Variants in DMRTC1B observed in about 807,000 individuals in gnomAD.
DMRTC1B encodes the protein DMRT like family C1B.
At chrX:72,802,218 C>A in intron 1 of DMRTC1B, among the ~76,000 whole-genome samples, 1 of 14,099 alleles carries the variant, frequency 7.1e-5, no homozygotes, top group Non-Finnish European at 3.9e-4. Context: ...GGTTTTTTGA[C>A]CCCAGCTGGG....
intron 1 of DMRTC1B, among the ~76,000 whole-genome samples, chrX:72,840,125 CAAAAAAA>C (rs200527014): frequency 0.047 from 1,051 of 22,197 alleles, 10 homozygotes; most frequent in African/African-American, 0.1. Context: ...GAAACTCCGT[CAAAAAAA>C]AAAAAAAAAA....
At chrX:72,839,565 C>T (rs1267906375) in intron 1 of DMRTC1B, among the ~76,000 whole-genome samples, 12 of 102,343 alleles carry the variant, frequency 1.2e-4, no homozygotes, top group South Asian at 4.8e-4. Flanking sequence ...TTTAGAGTTA[C>T]GCACTGAAAT....
At chrX:72,807,589 C>A in intron 1 of DMRTC1B, 1 of 939,863 alleles carries the variant, frequency 1.1e-6, no homozygotes, top group South Asian at 2.9e-5. Flanking sequence ...GGGAGGAAAG[C>A]GAGTGACAAG....
chrX:72,839,214 TCCC>T (rs1366950420), intron 1 of DMRTC1B, among the ~76,000 whole-genome samples: 1 of 112,360 alleles, frequency 8.9e-6, no homozygotes, highest in Admixed American at 9.2e-5. Flanking sequence ...GGATTGTTGA[TCCC>T]CCAAAACGTC....
At chrX:72,839,239 T>C (rs2054716887) in intron 1 of DMRTC1B, among the ~76,000 whole-genome samples, 1 of 112,479 alleles carries the variant, frequency 8.9e-6, no homozygotes, top group African/African-American at 3.3e-5. Context: ...TTCAAAAGGA[T>C]ATTATTGGGA....
intron 1 of DMRTC1B, among the ~76,000 whole-genome samples, chrX:72,804,429 G>A (rs2054648709): frequency 1.4e-5 from 1 of 70,831 alleles, no homozygotes; most frequent in Non-Finnish European, 3.7e-5. Context: ...AAGAGCATGG[G>A]CTGTAACTCA....
At chrX:72,807,992 G>T (rs2054666364) in intron 1 of DMRTC1B, 1 of 326,407 alleles carries the variant, frequency 3.1e-6, no homozygotes, top group Admixed American at 6.0e-5. Flanking sequence ...TTCCATGGGT[G>T]AGGGATGCAG....
chrX:72,820,523 T>G (rs1163907248), intron 1 of DMRTC1B, among the ~76,000 whole-genome samples: 4 of 113,402 alleles, frequency 3.5e-5, no homozygotes, highest in Non-Finnish European at 5.6e-5. Flanking sequence ...TTCTTTTTTT[T>G]TTTTTTTTTT....
At chrX:72,839,522 A>G (rs2054718980) in intron 1 of DMRTC1B, among the ~76,000 whole-genome samples, 1 of 110,707 alleles carries the variant, frequency 9.0e-6, no homozygotes, top group Admixed American at 9.3e-5. Flanking sequence ...TGTATTTTCA[A>G]AATAAAACGT....
chrX:72,820,867 G>C (rs1189350242), intron 1 of DMRTC1B, among the ~76,000 whole-genome samples: 532 of 37,244 alleles, frequency 0.014, no homozygotes, highest in Non-Finnish European at 0.021. Flanking sequence ...CCAAAAGTTT[G>C]ACATGCTGAG....
In DMRTC1B at chrX:72,815,630, C is replaced by CTT. The variant is rs782089848; in HGVS notation, c.-94-29398_-94-29397dup. On this transcript the variant is annotated intron_variant, in intron 1 of 6. Coordinates refer to ENST00000334036, the MANE Select transcript of DMRTC1B (RefSeq NM_001386972.1). The stretch of plus-strand genomic sequence containing the variant: ...CTGGAGTATACCTTATTTTTCTCCT[C>CTT]TTTTTTTTTTTTTTTGCAGTGCTAT... Among the ~76,000 whole-genome samples, 312 of 99,278 alleles carry CTT rather than the reference C, an allele frequency of 3.1e-3. 27 individuals carry two copies. The highest frequency in any genetic ancestry group is 0.012 in the African/African-American group (300 of 25,307). The allele number at this position is 99,278 out of a possible 115,157, so 86.2% of individuals were successfully genotyped here. A position where few individuals can be genotyped will look rare whatever the true frequency, so the allele number is the denominator to read the frequency against.
intron 1 of DMRTC1B, chrX:72,807,349 AC>A (rs2054661939): frequency 2.8e-6 from 1 of 358,989 alleles, no homozygotes; most frequent in Admixed American, 4.7e-5. Context: ...TCCCTTCACA[AC>A]CCCACCACCA....
chrX:72,802,523 G>T (rs782618709), intron 1 of DMRTC1B, among the ~76,000 whole-genome samples: 1 of 59,034 alleles, frequency 1.7e-5, no homozygotes, highest in Non-Finnish European at 5.6e-5. Context: ...TTTCTTTCCC[G>T]CTCCCACAAA....
chrX:72,820,680 G>A (rs1307406516), intron 1 of DMRTC1B, among the ~76,000 whole-genome samples: 17 of 74,285 alleles, frequency 2.3e-4, no homozygotes, highest in Non-Finnish European at 2.8e-4. Flanking sequence ...CACCTCGCCC[G>A]GCTAATTTTT....
At position 72,794,494 on chromosome X, in the gene DMRTC1B, G is replaced by C. The variant is rs149766407; in HGVS notation, c.-95+17246G>C. 7.2e-3 allele frequency among the ~76,000 whole-genome samples: 780 copies of C among 108,541 alleles called. 1 individual carries two copies. Among genetic ancestry groups the C allele is most frequent in the African/African-American group, 0.026 (752 of 28,847 alleles). The allele number at this position is 108,541 out of a possible 115,157, so 94.3% of individuals were successfully genotyped here. On this transcript the variant is annotated intron_variant, in intron 1 of 6. Coordinates refer to ENST00000334036, the MANE Select transcript of DMRTC1B (RefSeq NM_001386972.1). ...GTTCCATGCGCCAAGATCACACTGA[G>C]GGCTGGCGGCACAGTAATGAGCTGT... is the stretch of plus-strand genomic sequence containing the variant.
In DMRTC1B at chrX:72,802,509, A is replaced by G. The variant is rs1207043815; in HGVS notation, c.-95+25261A>G. 4.8e-5 allele frequency among the ~76,000 whole-genome samples: 3 copies of G among 62,050 alleles called. No individual in the cohort carries two copies. The East Asian group carries it at 8.3e-4, about 17-fold the overall frequency. 53.9% of individuals were successfully genotyped at this position (62,050 alleles called of 115,157 possible). On this transcript the variant is annotated intron_variant, in intron 1 of 6. Transcript: ENST00000334036. ...GTAATCTTCACAACCCCTCTGTGAG[A>G]CGCTTTCTTTCCCGCTCCCACAAAG...
intron 1 of DMRTC1B, among the ~76,000 whole-genome samples, chrX:72,820,181 C>T (rs1305166380): frequency 1.4e-4 from 2 of 14,429 alleles, no homozygotes; most frequent in Admixed American, 1.7e-3. Context: ...GCCATCAAAT[C>T]TATTGGCATA....
At chrX:72,839,789 G>C (rs1165680458) in intron 1 of DMRTC1B, among the ~76,000 whole-genome samples, 1 of 91,914 alleles carries the variant, frequency 1.1e-5, no homozygotes, top group Admixed American at 1.2e-4. Flanking sequence ...TTCTCAAAAT[G>C]TGGTCCCCTA....
intron 1 of DMRTC1B, among the ~76,000 whole-genome samples, chrX:72,814,974 G>T: frequency 1.4e-4 from 1 of 6,917 alleles, no homozygotes; most frequent in African/African-American, 1.6e-4. Flanking sequence ...GCTAACTTTG[G>T]AGTTAGTTTG....
Sources: gnomAD v4.1 joint callset for allele counts (sites outside exome capture counted in the v4.1 genomes callset) on GRCh38, gnomAD v4.1.1 for gene constraint, MANE v1.5 for transcripts, NCBI Gene and HGNC (gene_info 2026-07-23, HGNC 2026-07-21) for gene names.